The following RYR1 variants were observed in gnomAD, a reference collection of about 807,000 sequenced individuals.
RYR1 encodes ryanodine receptor 1.
In RYR1, 342 loss-of-function variants were observed where a neutral mutation model predicts 583.5. The observed-to-expected ratio is 0.59, with a 90% confidence interval of 0.54 to 0.64. RYR1 has a LOEUF of 0.64. RYR1 is among the 30% of genes least tolerant of loss of function. The pLI, the probability that RYR1 is intolerant of heterozygous loss-of-function variation, is 0.00. For missense variants in RYR1, 6,032 were observed against 6,917.2 expected (o/e 0.87, Z 4.54); for synonymous variants, 2,791 against 2,822.5 (o/e 0.99, Z 0.35).
chr19:38,559,378 C>T (rs1034375820), intron 89 of RYR1, among the ~76,000 whole-genome samples: 2 of 151,804 alleles, frequency 1.3e-5, no homozygotes, highest in African/African-American at 4.8e-5. Context: ...GGATTACAGG[C>T]ACGCACCATC....
At position 38,572,279 on chromosome 19, in the gene RYR1, A is replaced by C; in HGVS notation, c.13998+9A>C. ...GCTATAATTGTCTCAAGGTGGGCCC[A>C]TGGCCATGGTTCTGGGGCAAGGGCT... On this transcript the variant is annotated intron_variant, in intron 95 of 105. Transcript: ENST00000359596. 1 of 794,164 alleles carries C rather than the reference A, an allele frequency of 1.3e-6. No homozygotes were observed. Among genetic ancestry groups the C allele is most frequent in the Non-Finnish European group, 1.9e-6 (1 of 526,720 alleles). The allele number at this position is 794,164 out of a possible 1,614,324, so 49.2% of individuals were successfully genotyped here.
chr19:38,463,730 C>T lies in RYR1; in HGVS notation c.2683-17C>T. 6.2e-7 allele frequency: 1 copy of T among 1,609,702 alleles called. No homozygotes were observed. On this transcript the variant is annotated splice_polypyrimidine_tract_variant and intron_variant, in intron 21 of 105. Transcript: ENST00000359596. ...AGGAAAGGGGAGCACATGGAGTTGACCCTGGGTTTTCTCCAGGTTCGGGAT... is the reference window on the plus strand; with the variant it reads ...AGGAAAGGGGAGCACATGGAGTTGATCCTGGGTTTTCTCCAGGTTCGGGAT...
At chr19:38,553,115 T>C (rs1020278664) in intron 89 of RYR1, among the ~76,000 whole-genome samples, 1 of 152,096 alleles carries the variant, frequency 6.6e-6, no homozygotes, top group Non-Finnish European at 1.5e-5. Flanking sequence ...GGCAGATCAC[T>C]TGAGGTCAGA....
rs780436600 is a variant in RYR1 at position 38,565,054 on chromosome 19, C to T, written c.12720C>T (p.Thr4240=). The change falls in exon 91 of 106, where the codon ACC becomes ACT. Residue 4240 remains threonine (T), a synonymous_variant. Transcript: ENST00000359596. This position sits in a 1 kb window ranked among gnomAD's most constrained non-coding sequence, Gnocchi z 4.7. ...MELFVSFCED[T]IFEMQIAAQI... is the part of the protein sequence containing the mutation. The stretch of plus-strand genomic sequence containing the variant: ...TCTTCGTGAGTTTCTGCGAGGACAC[C>T]ATCTTCGAGATGCAGATCGCCGCGC... 1 of 1,572,334 alleles carries T rather than the reference C, an allele frequency of 6.4e-7. No homozygotes were observed. The highest frequency in any genetic ancestry group is 1.2e-5 in the South Asian group (1 of 85,614).
intron 1 of RYR1, among the ~76,000 whole-genome samples, chr19:38,438,905 G>T (rs997284855): frequency 6.6e-6 from 1 of 151,156 alleles, no homozygotes; most frequent in Non-Finnish European, 1.5e-5. Flanking sequence ...GGCGTGAGCC[G>T]CCGTGCCTGG....
intron 89 of RYR1, among the ~76,000 whole-genome samples, chr19:38,549,319 C>T (rs1004602321): frequency 3.3e-5 from 5 of 152,024 alleles, no homozygotes; most frequent in Non-Finnish European, 7.4e-5. Context: ...TGGCAGTGTG[C>T]GGTGGTTCAT....
Position 38,444,888 on chromosome 19 carries a change from C to T in RYR1, c.631+211C>T, listed in dbSNP as rs962116095. On this transcript the variant is annotated intron_variant, in intron 7 of 105. Coordinates refer to ENST00000359596, the MANE Select transcript of RYR1 (RefSeq NM_000540.3). This position sits in a 1 kb window ranked among gnomAD's most constrained non-coding sequence, Gnocchi z 5.1. ...CAAACCCCGAACTAAATATCAGGCT[C>T]CCAAACTTAGACCCCAAAGTATTAG... 5.3e-5 allele frequency among the ~76,000 whole-genome samples: 8 copies of T among 151,226 alleles called. No individual in the cohort carries two copies. The highest frequency in any genetic ancestry group is 2.1e-4 in the South Asian group (1 of 4,770).
intron 87 of RYR1, among the ~76,000 whole-genome samples, chr19:38,544,157 T>C (rs577734378): frequency 4.6e-5 from 7 of 152,184 alleles, no homozygotes; most frequent in Non-Finnish European, 1.0e-4. Context: ...TCCTCTATGA[T>C]TGATTGCTGT....
chr19:38,455,340 G>A lies in RYR1; in HGVS notation c.1546G>A (p.Glu516Lys), dbSNP rs1455799439. ...AGEEAAESWK[E>K]IVNLLYELLA... The stretch of plus-strand genomic sequence containing the variant: ...GGAGGAGGCAGCCGAGTCCTGGAAA[G>A]AGATTGTGAATCTTCTCTATGAACT... The change falls in exon 14 of 106, where the codon GAG becomes AAG. Residue 516 changes from glutamate (E) to lysine (K), a missense_variant. Around this residue, in one of 11 missense-constraint regions of RYR1, gnomAD observed 2,627 missense variants for 2,961.3 expected, o/e 0.89. Transcript: ENST00000359596. 1 of 1,614,112 alleles carries A rather than the reference G, an allele frequency of 6.2e-7. No homozygotes were observed. The highest frequency in any genetic ancestry group is 8.5e-7 in the Non-Finnish European group (1 of 1,179,996).
Position 38,536,043 on chromosome 19 carries a change from C to T in RYR1, c.11563C>T (p.Leu3855=), listed in dbSNP as rs748449335. 1 of 1,613,790 alleles carries T rather than the reference C, an allele frequency of 6.2e-7. No individual in the cohort carries two copies. Among genetic ancestry groups the T allele is most frequent in the Non-Finnish European group, 8.5e-7 (1 of 1,179,978 alleles). Residue 3855 remains leucine (L), a synonymous_variant, in exon 82 of 106, where the codon CTG becomes TTG. Transcript: ENST00000359596. ...AFERQNKAEG[L]GMVNEDGTVI... ...TGAGAGACAGAACAAGGCCGAGGGG[C>T]TGGGCATGGTGAATGAGGATGGCAC...
chr19:38,523,358 C>A, intron 69 of RYR1, 49 bp downstream of exon 69: 10 of 1,609,532 alleles, frequency 6.2e-6, no homozygotes, highest in Non-Finnish European at 8.5e-6. Flanking sequence ...GGCGGGAGCA[C>A]CCTCTAGGAC....
rs910239791 is a variant in RYR1, at chr19:38,573,046, C to T, written c.13999-131C>T. The T allele has an allele frequency of 1.5e-5, 21 of 1,447,844 alleles. No individual in the cohort carries two copies. The African/African-American group carries it at 2.2e-4, about 15-fold the overall frequency. The allele number at this position is 1,447,844 out of a possible 1,614,324, so 89.7% of individuals were successfully genotyped here. On this transcript the variant is annotated intron_variant, in intron 95 of 105. Transcript: ENST00000359596. Reference sequence around the variant, plus strand: ...GCCCTCTGCCTGGGCCTCATTTCTACCCTTATCACTGGGAAAGCACTTCTG... The same window carrying T: ...GCCCTCTGCCTGGGCCTCATTTCTATCCTTATCACTGGGAAAGCACTTCTG...
chr19:38,552,358 G>A (rs1270246095), intron 89 of RYR1, among the ~76,000 whole-genome samples: 2 of 151,754 alleles, frequency 1.3e-5, no homozygotes, highest in Non-Finnish European at 2.9e-5. Context: ...GGGTTCAAGC[G>A]ATTCTTCTGC....
At chr19:38,556,665 C>T (rs1418453538) in intron 89 of RYR1, among the ~76,000 whole-genome samples, 2 of 152,040 alleles carry the variant, frequency 1.3e-5, no homozygotes, top group African/African-American at 2.4e-5. Context: ...GCTGGGATTA[C>T]AGGCAAGAGC....
At chr19:38,438,387 A>ATTTT (rs35789428) in intron 1 of RYR1, among the ~76,000 whole-genome samples, 7 of 147,068 alleles carry the variant, frequency 4.8e-5, no homozygotes, top group Admixed American at 6.8e-5. Flanking sequence ...GAGGGCCGTG[A>ATTTT]TTTTTTTTTT....
intron 90 of RYR1, among the ~76,000 whole-genome samples, chr19:38,564,456 C>T (rs141753586): frequency 5.1e-4 from 77 of 151,976 alleles, no homozygotes; most frequent in Non-Finnish European, 1.0e-3. Context: ...ACCCTGGGGA[C>T]GAAGGTTACA....
Position 38,504,901 on chromosome 19 carries a change from G to C in RYR1, c.8221G>C (p.Glu2741Gln), listed in dbSNP as rs1300064574. The change falls in exon 51 of 106, where the codon GAG (glutamate) becomes CAG (glutamine). Residue 2741 changes from glutamate to glutamine, a missense_variant. Glu to Gln is a conservative substitution (Grantham distance 29). This residue lies in a region of RYR1 where 1,493 missense variants were observed against 1,715.5 expected (regional missense o/e 0.87). Coordinates refer to ENST00000359596, the MANE Select transcript of RYR1 (RefSeq NM_000540.3). ...AEGNFDPRPV[E>Q]TLNVIIPEKL... is the part of the protein sequence containing the mutation. ...AGGCAACTTTGATCCCCGGCCTGTG[G>C]AGACCCTCAAGTGAGGCCTGGGGGC... 1 of 1,614,160 alleles carries C rather than the reference G, an allele frequency of 6.2e-7. No homozygotes were observed. Among genetic ancestry groups the C allele is most frequent in the Non-Finnish European group, 8.5e-7 (1 of 1,180,028 alleles).
At chr19:38,477,598 C>T in intron 29 of RYR1, 112 bp from the exon 30 acceptor site, 1 of 1,352,026 alleles carries the variant, frequency 7.4e-7, no homozygotes, top group East Asian at 2.3e-5. Flanking sequence ...CCAACAACTT[C>T]CTGTTAAACT....
chr19:38,543,635 T>G lies in RYR1; in HGVS notation c.11882T>G (p.Phe3961Cys). The G allele has an allele frequency of 6.2e-7, 1 of 1,614,088 alleles. No homozygotes were observed. Among genetic ancestry groups the G allele is most frequent in the Non-Finnish European group, 8.5e-7 (1 of 1,180,030 alleles). The change falls in exon 86 of 106, where the codon TTC becomes TGC. Residue 3961 changes from phenylalanine (F) to cysteine (C), a missense_variant. By Grantham distance (205) the Phe-to-Cys change is radical. Coordinates refer to ENST00000359596, the MANE Select transcript of RYR1 (RefSeq NM_000540.3). This position sits in a 1 kb window ranked among gnomAD's most constrained non-coding sequence, Gnocchi z 4.4. The part of the protein sequence containing the change: ...SKAMSVAKQV[F>C]NSLTEYIQGP... ...GCCATGTCGGTGGCTAAGCAGGTGT[T>G]CAACAGCCTCACTGAGTACATCCAG...
Sources: allele counts gnomAD v4.1 joint callset (sites outside exome capture counted in the v4.1 genomes callset), GRCh38; gene constraint gnomAD v4.1.1; regional missense constraint gnomAD v4.1.1; non-coding constraint Gnocchi (gnomAD v3.1); transcripts MANE v1.5; gene names NCBI Gene and HGNC (gene_info 2026-07-23, HGNC 2026-07-21).